Variants in SPATA13 observed in about 807,000 individuals in gnomAD.
The protein encoded by SPATA13 is spermatogenesis-associated protein 13.
Under a neutral mutation model 104.0 loss-of-function variants are expected in SPATA13, and 50 were observed. The observed-to-expected ratio is 0.48, with a 90% CI of 0.38 to 0.61. The LOEUF is 0.61. Ranked by LOEUF, SPATA13 falls within the 20% of genes least tolerant of loss-of-function variation. The pLI, the probability that SPATA13 is intolerant of heterozygous loss-of-function variation, is 0.00. For missense variants in SPATA13, 1,524 were observed against 1,690.6 expected (o/e 0.90, Z 1.73); for synonymous variants, 606 against 667.5 (o/e 0.91, Z 1.42).
At chr13:24,186,200 C>T (rs1001633449) in intron 1 of SPATA13, among the ~76,000 whole-genome samples, 3 of 152,148 alleles carry the variant, frequency 2.0e-5, no homozygotes, top group Non-Finnish European at 2.9e-5. Flanking sequence ...GGGAATGTTA[C>T]GGTTCACAGG....
At chr13:24,119,806 C>T (rs953313348) in intron 3 of SPATA13, among the ~76,000 whole-genome samples, 110 of 152,186 alleles carry the variant, frequency 7.2e-4, no homozygotes, top group African/African-American at 2.5e-3. Flanking sequence ...GCCCAAGACC[C>T]GGCCAGCCCC....
At chr13:24,123,551 G>A (rs551362362) in intron 3 of SPATA13, 5 of 1,611,270 alleles carry the variant, frequency 3.1e-6, no homozygotes, top group Non-Finnish European at 4.2e-6. Flanking sequence ...TAAGAATCTG[G>A]TAACAAAATC....
chr13:24,207,785 T>A (rs1364820643), intron 1 of SPATA13, among the ~76,000 whole-genome samples: 3 of 152,228 alleles, frequency 2.0e-5, no homozygotes, highest in Admixed American at 2.0e-4. Flanking sequence ...AGACTGGCTA[T>A]CCTGAGCCAT....
intron 10 of SPATA13, among the ~76,000 whole-genome samples, chr13:24,296,060 TTG>T: frequency 6.6e-6 from 1 of 152,312 alleles, no homozygotes; most frequent in South Asian, 2.1e-4. Flanking sequence ...CATCTATTAA[TTG>T]GTCAGAACTC....
chr13:24,014,104 G>C (rs907655376), intron 2 of SPATA13, among the ~76,000 whole-genome samples: 1 of 152,178 alleles, frequency 6.6e-6, no homozygotes, highest in Non-Finnish European at 1.5e-5. Flanking sequence ...CTGGAGGCTG[G>C]AGGCCACAGG....
chr13:24,265,724 C>G (rs887835900), intron 4 of SPATA13, among the ~76,000 whole-genome samples: 2 of 152,116 alleles, frequency 1.3e-5, no homozygotes, highest in African/African-American at 4.8e-5. Flanking sequence ...CAGGGGACAG[C>G]ATGACTCTCC....
chr13:24,226,775 C>G (rs142663038), intron 2 of SPATA13, among the ~76,000 whole-genome samples: 1 of 152,358 alleles, frequency 6.6e-6, no homozygotes, highest in African/African-American at 2.4e-5. Flanking sequence ...AGGACAGCCT[C>G]TGCACTGTCC....
intron 3 of SPATA13, chr13:24,123,394 G>A (rs550296878): frequency 7.8e-7 from 1 of 1,280,520 alleles, no homozygotes; most frequent in Admixed American, 1.7e-5. Context: ...ATGTAGCCTA[G>A]TTCACTGCTG....
chr13:24,249,101 C>T (rs1873327750), intron 2 of SPATA13, among the ~76,000 whole-genome samples: 1 of 152,168 alleles, frequency 6.6e-6, no homozygotes, highest in African/African-American at 2.4e-5. Context: ...AACTCCTGAC[C>T]TCAAGTGATC....
At chr13:24,191,610 C>T (rs1331745697) in intron 1 of SPATA13, among the ~76,000 whole-genome samples, 4 of 149,488 alleles carry the variant, frequency 2.7e-5, no homozygotes, top group African/African-American at 9.9e-5. Context: ...CCTGGGTTCA[C>T]GCCATTCTCC....
chr13:24,015,555 C>A (rs1458195470), intron 2 of SPATA13, among the ~76,000 whole-genome samples: 1 of 152,224 alleles, frequency 6.6e-6, no homozygotes, highest in Non-Finnish European at 1.5e-5. Flanking sequence ...CTGAGTCAGG[C>A]CTGACCCTGA....
chr13:24,126,595 C>T (rs1881226695), intron 3 of SPATA13, among the ~76,000 whole-genome samples: 1 of 152,204 alleles, frequency 6.6e-6, no homozygotes, highest in South Asian at 2.1e-4. Flanking sequence ...CAGGTTCTGT[C>T]ACTCAGGCTG....
chr13:24,063,981 G>A (rs752361726), intron 3 of SPATA13, among the ~76,000 whole-genome samples: 31 of 152,162 alleles, frequency 2.0e-4, no homozygotes, highest in Non-Finnish European at 3.8e-4. Flanking sequence ...TGGCCTCACC[G>A]CCTCCAGTGG....
Position 24,223,512 on chromosome 13 carries a change from C to G in SPATA13, c.583C>G (p.Arg195Gly). The G allele has an allele frequency of 6.5e-7, 1 of 1,548,364 alleles. No homozygotes were observed. The highest frequency in any genetic ancestry group is 8.7e-7 in the Non-Finnish European group (1 of 1,146,996). Residue 195 changes from arginine to glycine, a missense_variant, in exon 2 of 13, where the codon CGG becomes GGG. This residue lies in a region of SPATA13 where 1,089 missense variants were observed against 1,135.9 expected (regional missense o/e 0.96). Coordinates refer to ENST00000382108, the MANE Select transcript of SPATA13 (RefSeq NM_001166271.3). The stretch of plus-strand genomic sequence containing the variant: ...CGAGGACACGGACGATGCCTTCCAG[C>G]GGAGCACACACCGCTCCCGCAGCCT... ...DLEDTDDAFQ[R>G]STHRSRSLRR...
intron 3 of SPATA13, among the ~76,000 whole-genome samples, chr13:24,121,446 A>G (rs977939374): frequency 2.0e-5 from 3 of 152,206 alleles, no homozygotes; most frequent in Admixed American, 1.3e-4. Flanking sequence ...TTGTTTCAAT[A>G]TGAAAGTGCC....
At chr13:24,002,361 G>T (rs1876019332) in intron 2 of SPATA13, among the ~76,000 whole-genome samples, 1 of 152,190 alleles carries the variant, frequency 6.6e-6, no homozygotes, top group Non-Finnish European at 1.5e-5. Flanking sequence ...GTCTTGGAGT[G>T]TTCAGAGTCA....
chr13:24,032,936 C>G (rs1338558335), intron 3 of SPATA13, among the ~76,000 whole-genome samples: 3 of 152,066 alleles, frequency 2.0e-5, no homozygotes, highest in Non-Finnish European at 4.4e-5. Context: ...AAAGTCCTGG[C>G]CAGGGAGAAT....
At chr13:24,092,259 G>T (rs921573334) in intron 3 of SPATA13, among the ~76,000 whole-genome samples, 2 of 152,336 alleles carry the variant, frequency 1.3e-5, no homozygotes, top group African/African-American at 4.8e-5. Context: ...CAATGATCAT[G>T]TGATGTTTTC....
At chr13:24,281,491 G>C (rs988936365) in intron 4 of SPATA13, among the ~76,000 whole-genome samples, 1 of 152,230 alleles carries the variant, frequency 6.6e-6, no homozygotes, top group African/African-American at 2.4e-5. Flanking sequence ...CGGCGCACCT[G>C]TCTGGGTGGT....
Sources: gnomAD v4.1 joint callset for allele counts (sites outside exome capture counted in the v4.1 genomes callset) on GRCh38, gnomAD v4.1.1 for gene constraint, gnomAD v4.1.1 regional missense constraint, MANE v1.5 for transcripts, NCBI Gene and HGNC (gene_info 2026-07-23, HGNC 2026-07-21) for gene names.